PDZRN4: variants seen among roughly 807,000 people sequenced by gnomAD.
PDZRN4 encodes PDZ domain-containing RING finger protein 4.
PDZRN4 carries 70 observed loss-of-function variants against 99.0 expected under a neutral mutation model. The ratio of observed to expected loss-of-function variants is 0.71; its 90% CI spans 0.58 to 0.86. The LOEUF is 0.86. Ranked by LOEUF, PDZRN4 falls within the 40% of genes least tolerant of loss-of-function variation. The pLI is 0.00. For missense variants in PDZRN4, 1,474 were observed against 1,331.2 expected (o/e 1.11, Z -1.67); for synonymous variants, 551 against 501.6 (o/e 1.10, Z -1.32).
intron 3 of PDZRN4, among the ~76,000 whole-genome samples, chr12:41,297,196 A>G (rs1951501449): frequency 6.6e-6 from 1 of 152,152 alleles, no homozygotes; most frequent in South Asian, 2.1e-4. Flanking sequence ...AAACTTTTTG[A>G]AGTCCCCTTG....
At chr12:41,383,078 G>T (rs1038643252) in intron 3 of PDZRN4, among the ~76,000 whole-genome samples, 3 of 152,114 alleles carry the variant, frequency 2.0e-5, no homozygotes, top group Non-Finnish European at 2.9e-5. Context: ...GTAATGCATT[G>T]AGCCTCAGAT....
intron 3 of PDZRN4, among the ~76,000 whole-genome samples, chr12:41,355,842 G>C (rs867471996): frequency 6.6e-6 from 1 of 151,978 alleles, no homozygotes; most frequent in Non-Finnish European, 1.5e-5. Flanking sequence ...CCAGGAGAGA[G>C]TGGTTTTTTG....
At chr12:41,440,843 A>G (rs1288397533) in intron 3 of PDZRN4, among the ~76,000 whole-genome samples, 1 of 152,194 alleles carries the variant, frequency 6.6e-6, no homozygotes, top group African/African-American at 2.4e-5. Context: ...CCTCTTATGA[A>G]TTAATAAAGG....
intron 3 of PDZRN4, among the ~76,000 whole-genome samples, chr12:41,200,323 C>T (rs573152651): frequency 1.5e-4 from 23 of 152,190 alleles, no homozygotes; most frequent in African/African-American, 5.3e-4. Context: ...CTAGACAGTC[C>T]CTCAGATTTT....
At chr12:41,246,808 T>C (rs1951136615) in intron 3 of PDZRN4, among the ~76,000 whole-genome samples, 1 of 152,176 alleles carries the variant, frequency 6.6e-6, no homozygotes, top group South Asian at 2.1e-4. Flanking sequence ...GGACATGAAA[T>C]ACAGTGAAGA....
At chr12:41,401,538 C>T (rs1565572714) in intron 3 of PDZRN4, among the ~76,000 whole-genome samples, 1 of 152,118 alleles carries the variant, frequency 6.6e-6, no homozygotes, top group Non-Finnish European at 1.5e-5. Flanking sequence ...TTCTTCCTCG[C>T]TTGCCTCAAC....
At chr12:41,338,562 C>T (rs968572961) in intron 3 of PDZRN4, among the ~76,000 whole-genome samples, 12 of 151,768 alleles carry the variant, frequency 7.9e-5, no homozygotes, top group African/African-American at 2.7e-4. Flanking sequence ...AAAACTTCAA[C>T]TAGACTAAGA....
At chr12:41,302,391 G>T (rs558508521) in intron 3 of PDZRN4, among the ~76,000 whole-genome samples, 79 of 152,048 alleles carry the variant, frequency 5.2e-4, no homozygotes, top group South Asian at 2.5e-3. Context: ...GTTCACCAAA[G>T]TATATCCAAG....
At chr12:41,463,876 T>C (rs1027571619) in intron 3 of PDZRN4, among the ~76,000 whole-genome samples, 36 of 152,236 alleles carry the variant, frequency 2.4e-4, no homozygotes, top group African/African-American at 7.7e-4. Context: ...AAAGGTCTAG[T>C]CTCAATGAGA....
intron 3 of PDZRN4, among the ~76,000 whole-genome samples, chr12:41,336,887 G>T (rs1951779245): frequency 6.6e-6 from 1 of 151,692 alleles, no homozygotes; most frequent in Non-Finnish European, 1.5e-5. Flanking sequence ...TCCAGGGCAG[G>T]GTCTGCAAAA....
intron 3 of PDZRN4, among the ~76,000 whole-genome samples, chr12:41,254,289 A>G (rs941233424): frequency 5.9e-5 from 9 of 152,148 alleles, no homozygotes; most frequent in Non-Finnish European, 1.0e-4. Context: ...CTTTATATGC[A>G]TGATATTATT....
At chr12:41,483,245 G>T (rs1592079072) in intron 3 of PDZRN4, among the ~76,000 whole-genome samples, 1 of 151,906 alleles carries the variant, frequency 6.6e-6, no homozygotes, top group Admixed American at 6.6e-5. Flanking sequence ...CTTTTTTAAG[G>T]TTATCAAAAA....
At chr12:41,248,999 T>C (rs1951151453) in intron 3 of PDZRN4, among the ~76,000 whole-genome samples, 2 of 152,174 alleles carry the variant, frequency 1.3e-5, no homozygotes, top group Non-Finnish European at 2.9e-5. Flanking sequence ...ATAGTTTTAG[T>C]GGACATTTAT....
intron 3 of PDZRN4, among the ~76,000 whole-genome samples, chr12:41,414,929 AG>A (rs1171442652): frequency 6.6e-6 from 1 of 152,192 alleles, no homozygotes; most frequent in African/African-American, 2.4e-5. Flanking sequence ...AGTCAAGGGA[AG>A]AGCACATGTG....
chr12:41,421,498 G>T (rs114259902), intron 3 of PDZRN4, among the ~76,000 whole-genome samples: 4 of 152,024 alleles, frequency 2.6e-5, no homozygotes, highest in African/African-American at 9.7e-5. Context: ...CAGCCTATTT[G>T]TATCTTTTTG....
intron 3 of PDZRN4, among the ~76,000 whole-genome samples, chr12:41,414,563 A>G (rs558374200): frequency 6.6e-6 from 1 of 152,244 alleles, no homozygotes; most frequent in African/African-American, 2.4e-5. Flanking sequence ...AATAAAAAGT[A>G]TAAAAAGGAA....
At chr12:41,383,117 T>C (rs959378734) in intron 3 of PDZRN4, among the ~76,000 whole-genome samples, 1 of 152,328 alleles carries the variant, frequency 6.6e-6, no homozygotes, top group African/African-American at 2.4e-5. Flanking sequence ...ATTATGCTTC[T>C]AGGTCCTCAG....
intron 3 of PDZRN4, among the ~76,000 whole-genome samples, chr12:41,252,347 T>C (rs1270053506): frequency 2.6e-5 from 4 of 152,304 alleles, no homozygotes; most frequent in African/African-American, 9.6e-5. Context: ...AATGAAGTAC[T>C]ACTCAACAAC....
chr12:41,296,462 G>A (rs1951494845), intron 3 of PDZRN4, among the ~76,000 whole-genome samples: 1 of 152,156 alleles, frequency 6.6e-6, no homozygotes, highest in South Asian at 2.1e-4. Flanking sequence ...GGTACTTTGA[G>A]AAAGTTAGAT....
Sources: gnomAD v4.1 joint callset for allele counts (sites outside exome capture counted in the v4.1 genomes callset) on GRCh38, gnomAD v4.1.1 for gene constraint, MANE v1.5 for transcripts, NCBI Gene and HGNC (gene_info 2026-07-23, HGNC 2026-07-21) for gene names.